Variants in TBCD observed in about 807,000 individuals in gnomAD.
TBCD encodes the protein tubulin folding cofactor D.
A neutral mutation model predicts 169.3 loss-of-function variants in TBCD; 105 were observed. The ratio of observed to expected loss-of-function variants is 0.62; its 90% CI spans 0.53 to 0.73. The LOEUF (loss-of-function observed/expected upper bound fraction) is 0.73, where lower values mean the gene tolerates loss of function less well. Ranked by LOEUF, TBCD falls within the 30% of genes least tolerant of loss-of-function variation. The probability of loss-of-function intolerance (pLI) is 0.00; values close to 1 mark genes in which losing one functional copy is unlikely to be tolerated. For synonymous variants in TBCD, 700 were observed against 643.9 expected, an observed-to-expected ratio of 1.09 and a Z score of -1.32; for missense variants, 1,444 against 1,600.1, an observed-to-expected ratio of 0.90 and a Z score of 1.66.
intron 33 of TBCD, among the ~76,000 whole-genome samples, chr17:82,931,185 C>T (rs1017311525): frequency 8.5e-5 from 13 of 152,234 alleles, no homozygotes; most frequent in Admixed American, 2.6e-4. Flanking sequence ...GACGAGGACA[C>T]GGGCCTGGTG....
At chr17:82,850,005 G>C (rs1382910831) in intron 13 of TBCD, among the ~76,000 whole-genome samples, 3 of 145,204 alleles carry the variant, frequency 2.1e-5, no homozygotes, top group African/African-American at 7.6e-5. Context: ...TGGCTGTGCT[G>C]CTGTTGGCTG....
chr17:82,860,461 T>G (rs2056667143), intron 13 of TBCD: 1 of 984,796 alleles, frequency 1.0e-6, no homozygotes, highest in Admixed American at 6.1e-5. Flanking sequence ...TGGGTTTCAT[T>G]AACAATGACA....
At chr17:82,927,819 C>T (rs767404462) in intron 29 of TBCD, 86 bp from the exon 30 acceptor site, 12 of 1,241,312 alleles carry the variant, frequency 9.7e-6, no homozygotes, top group Non-Finnish European at 1.3e-5. Flanking sequence ...GTGTCGAATT[C>T]ACACAGGCTG....
intron 19 of TBCD, among the ~76,000 whole-genome samples, chr17:82,905,498 C>T (rs565826438): frequency 2.7e-4 from 39 of 144,920 alleles, no homozygotes; most frequent in African/African-American, 8.5e-4. Flanking sequence ...TGCACGCCGT[C>T]GCCTGCCCTC....
intron 13 of TBCD, among the ~76,000 whole-genome samples, chr17:82,848,825 G>T (rs191497222): frequency 6.6e-6 from 1 of 151,422 alleles, no homozygotes; most frequent in Non-Finnish European, 1.5e-5. Context: ...GCTCTGCTGC[G>T]TCTTCTCCAC....
chr17:82,858,189 C>T (rs576482725), intron 13 of TBCD, among the ~76,000 whole-genome samples: 48 of 152,256 alleles, frequency 3.2e-4, no homozygotes, highest in African/African-American at 9.9e-4. Context: ...GCTGGGATTA[C>T]GAACATGAGC....
intron 6 of TBCD, among the ~76,000 whole-genome samples, chr17:82,780,322 C>A (rs537753153): frequency 6.6e-6 from 1 of 152,240 alleles, no homozygotes; most frequent in East Asian, 1.9e-4. Context: ...CTGTGGAAGT[C>A]CCCAGCTGTT....
At chr17:82,885,874 A>G (rs191764313) in intron 15 of TBCD, among the ~76,000 whole-genome samples, 2 of 152,276 alleles carry the variant, frequency 1.3e-5, no homozygotes, top group East Asian at 3.9e-4. Context: ...AAGGTAAAAG[A>G]CACCTTTTTG....
At chr17:82,893,718 C>T (rs1316737065) in intron 17 of TBCD, 86 bp downstream of exon 17, 10 of 1,008,258 alleles carry the variant, frequency 9.9e-6, no homozygotes, top group South Asian at 1.6e-5. Flanking sequence ...TTTCTTTTTT[C>T]ATCCTGTAAT....
At chr17:82,845,234 C>T (rs1246879586) in intron 13 of TBCD, among the ~76,000 whole-genome samples, 1 of 152,210 alleles carries the variant, frequency 6.6e-6, no homozygotes, top group Admixed American at 6.5e-5. Context: ...CGGCCCCTTC[C>T]TCTCCATCCT....
In TBCD at chr17:82,752,386, G is replaced by A. The variant is rs1466322945; in HGVS notation, c.184+9G>A. On this transcript the variant is annotated intron_variant, in intron 1 of 38. Coordinates refer to ENST00000355528, the MANE Select transcript of TBCD (RefSeq NM_005993.5). Reference sequence around the variant, plus strand: ...CCTGGAGCGGTTCCGCGGTGCGTGGGCGGCGCCGCGTGCCCGCTTCCTCCC... The same window carrying A: ...CCTGGAGCGGTTCCGCGGTGCGTGGACGGCGCCGCGTGCCCGCTTCCTCCC... The A allele has an allele frequency of 1.6e-6, 2 of 1,232,914 alleles. No individual in the cohort carries two copies. Among genetic ancestry groups the A allele is most frequent in the African/African-American group, 1.6e-5 (1 of 63,394 alleles). 76.4% of individuals were successfully genotyped at this position (1,232,914 alleles called of 1,614,324 possible).
At chr17:82,777,764 C>CG (rs2048691351) in intron 6 of TBCD, among the ~76,000 whole-genome samples, 1 of 152,144 alleles carries the variant, frequency 6.6e-6, no homozygotes. Context: ...GTTAGGCCTC[C>CG]GGATAACTGC....
chr17:82,774,588 C>G (rs2048474142), intron 6 of TBCD, among the ~76,000 whole-genome samples: 1 of 152,188 alleles, frequency 6.6e-6, no homozygotes, highest in Non-Finnish European at 1.5e-5. Context: ...GGGGTGGCAG[C>G]CGGGCAGAGG....
chr17:82,897,316 G>A (rs910919034), intron 17 of TBCD, among the ~76,000 whole-genome samples: 2 of 151,972 alleles, frequency 1.3e-5, no homozygotes, highest in African/African-American at 2.4e-5. Context: ...TCAAGAGATC[G>A]AGACCATCCT....
At chr17:82,776,486 G>A (rs917378101) in intron 6 of TBCD, among the ~76,000 whole-genome samples, 13 of 152,210 alleles carry the variant, frequency 8.5e-5, no homozygotes, top group African/African-American at 2.4e-4. Context: ...TGCGTGTACC[G>A]TGTTTATCTT....
rs1481588966 is a variant in TBCD, at chr17:82,880,298, G to A, written c.1476-3847G>A. Among the ~76,000 whole-genome samples the A allele has an allele frequency of 3.3e-5, 5 of 152,246 alleles. No individual in the cohort carries two copies. Among genetic ancestry groups the A allele is most frequent in the Admixed American group, 3.3e-4 (5 of 15,290 alleles). On this transcript the variant is annotated intron_variant, in intron 14 of 38. Coordinates refer to ENST00000355528, the MANE Select transcript of TBCD (RefSeq NM_005993.5). The surrounding 1 kb of genome is among the most constrained non-coding windows in gnomAD (Gnocchi z 5.0). ...CACAGACAGATGGAGCACAGGTGTAGCCAGGGCCGCTGGTGTGTACCACTG... is the reference window on the plus strand; with the variant it reads ...CACAGACAGATGGAGCACAGGTGTAACCAGGGCCGCTGGTGTGTACCACTG...
chr17:82,851,952 G>A (rs1002650709), intron 13 of TBCD, among the ~76,000 whole-genome samples: 5 of 152,172 alleles, frequency 3.3e-5, no homozygotes, highest in African/African-American at 7.2e-5. Context: ...GCTTGTAAGC[G>A]GGAACGATTA....
chr17:82,941,469 C>T lies in TBCD; in HGVS notation c.3550C>T (p.Gln1184Ter), dbSNP rs754168355. Reference sequence around the variant, plus strand: ...TGACCTTCTGGGCGTACCCAGGCCCCAGCTGGTGCCCCAGGTAACCCTGTC... The same window carrying T: ...TGACCTTCTGGGCGTACCCAGGCCCTAGCTGGTGCCCCAGGTAACCCTGTC... Reference protein sequence around the residue: ...LCDLLGVPRPQLVPQPGAC With the variant: ...LCDLLGVPRP Residue 1184 changes from glutamine (Q) to a stop codon, truncating the protein, a stop_gained, in exon 38 of 39, where the codon CAG (glutamine) becomes TAG (stop). Coordinates refer to ENST00000355528, the MANE Select transcript of TBCD (RefSeq NM_005993.5). LOFTEE classifies it high-confidence loss of function. The T allele has an allele frequency of 1.2e-5, 19 of 1,598,362 alleles. No homozygotes were observed. The East Asian group carries it at 2.5e-4, about 21-fold the overall frequency.
chr17:82,796,832 G>A (rs1414279104), intron 7 of TBCD, among the ~76,000 whole-genome samples: 1 of 152,170 alleles, frequency 6.6e-6, no homozygotes, highest in African/African-American at 2.4e-5. Context: ...GGTTCATAAT[G>A]CAAATAAAAG....
Sources: gnomAD v4.1 joint callset for allele counts (sites outside exome capture counted in the v4.1 genomes callset) on GRCh38, gnomAD v4.1.1 for gene constraint, Gnocchi (gnomAD v3.1) non-coding constraint, MANE v1.5 for transcripts, NCBI Gene and HGNC (gene_info 2026-07-23, HGNC 2026-07-21) for gene names.